The following SAMMSON variants were observed in gnomAD, a reference collection of about 807,000 sequenced individuals.
SAMMSON encodes survival associated mitochondrial melanoma specific oncogenic non-coding RNA.
At chr3:70,183,267 C>T (rs944421586) in intron 4 of SAMMSON, 1 of 152,088 alleles carries the variant, frequency 6.6e-6, no homozygotes, top group Non-Finnish European at 1.5e-5. Context: ...TTATTTGATC[C>T]TTTTCAGTTT....
intron 6 of SAMMSON, among the ~76,000 whole-genome samples, chr3:70,265,010 G>T (rs1182545214): frequency 6.6e-6 from 1 of 152,120 alleles, no homozygotes; most frequent in Non-Finnish European, 1.5e-5. Context: ...ATGTGCAGGG[G>T]AACTCCCCTT....
At chr3:70,192,551 C>A (rs1701138795) in intron 4 of SAMMSON, among the ~76,000 whole-genome samples, 1 of 152,156 alleles carries the variant, frequency 6.6e-6, no homozygotes. Context: ...CCTGGCCTCC[C>A]ACCAAAAAGA....
At chr3:70,114,196 A>G (rs1480780981) in intron 4 of SAMMSON, among the ~76,000 whole-genome samples, 2 of 152,138 alleles carry the variant, frequency 1.3e-5, no homozygotes, top group African/African-American at 4.8e-5. Context: ...ATGAGCCTAA[A>G]TCTCTGGTGT....
Position 70,238,601 on chromosome 3 carries a change from A to G in SAMMSON, n.508-10506A>G, listed in dbSNP as rs150456207. On this transcript the variant is annotated intron_variant and non_coding_transcript_variant, in intron 4 of 9. Coordinates refer to ENST00000642114, the Ensembl canonical transcript of SAMMSON. The stretch of plus-strand genomic sequence containing the variant: ...TACTCCAGCCTGGATGAGAGTGAGC[A>G]CTTGTCTCAAAAAAGAAAAAAAAAA... Among the ~76,000 whole-genome samples the G allele has an allele frequency of 3.7e-3, 569 of 151,876 alleles. 14 individuals are homozygous for G. The highest frequency in any genetic ancestry group is 0.034 in the Admixed American group (514 of 15,238).
chr3:70,286,300 G>T lies in SAMMSON; in HGVS notation n.675-4879G>T, dbSNP rs529103264. 6.5e-3 allele frequency among the ~76,000 whole-genome samples: 982 copies of T among 152,022 alleles called. 40 individuals are homozygous for T. The highest frequency in any genetic ancestry group is 2.2e-3 in the Non-Finnish European group (150 of 67,950). ...ATGGCTAGCCAGTTTTCCCAGCACC[G>T]TTTATTAAATAGGGAATCCTTTCCC... On this transcript the variant is annotated intron_variant and non_coding_transcript_variant, in intron 6 of 9. Transcript: ENST00000642114.
rs146942403 is a variant in SAMMSON, at chr3:70,157,009, T to A, written n.507+85444T>A. On this transcript the variant is annotated intron_variant and non_coding_transcript_variant, in intron 4 of 9. Transcript: ENST00000642114. The stretch of plus-strand genomic sequence containing the variant: ...TATTTTCTTGCCTATTTTTGCTGAG[T>A]CAATATCTACTAGTCTTGGATTCTT... Among the ~76,000 whole-genome samples the A allele has an allele frequency of 1.0e-3, 158 of 152,214 alleles. 1 individual carries two copies. Among genetic ancestry groups the A allele is most frequent in the Middle Eastern group, 6.8e-3 (2 of 294 alleles).
intron 4 of SAMMSON, among the ~76,000 whole-genome samples, chr3:70,160,118 C>G (rs1055490654): frequency 2.6e-5 from 4 of 151,682 alleles, no homozygotes; most frequent in African/African-American, 7.3e-5. Context: ...TTAATGAAGT[C>G]TACTGAAGTA....
chr3:70,384,009 G>A (rs1703099460), intron 9 of SAMMSON, among the ~76,000 whole-genome samples: 1 of 151,868 alleles, frequency 6.6e-6, no homozygotes, highest in Non-Finnish European at 1.5e-5. Context: ...TTGGTGGGGA[G>A]TGAAATGACC....
At chr3:70,432,498 T>C (rs918826703) in intron 2 of SAMMSON, among the ~76,000 whole-genome samples, 1 of 151,936 alleles carries the variant, frequency 6.6e-6, no homozygotes, top group Non-Finnish European at 1.5e-5. Context: ...AACTATATTT[T>C]CATAGCAGTT....
At chr3:70,190,764 A>G (rs148387915) in intron 4 of SAMMSON, among the ~76,000 whole-genome samples, 28 of 152,324 alleles carry the variant, frequency 1.8e-4, no homozygotes, top group Non-Finnish European at 3.4e-4. Context: ...GGGTGTATAC[A>G]TTCTAAGGGA....
intron 4 of SAMMSON, among the ~76,000 whole-genome samples, chr3:70,165,144 C>T (rs1217499866): frequency 6.6e-6 from 1 of 151,932 alleles, no homozygotes; most frequent in African/African-American, 2.4e-5. Context: ...GAACAATCCA[C>T]CACATGTCCA....
chr3:70,273,238 G>C (rs1701991000), intron 6 of SAMMSON, among the ~76,000 whole-genome samples: 1 of 152,214 alleles, frequency 6.6e-6, no homozygotes, highest in Non-Finnish European at 1.5e-5. Context: ...AGATGGAATA[G>C]CAAGTGTGCT....
intron 4 of SAMMSON, among the ~76,000 whole-genome samples, chr3:70,232,504 A>T (rs1374131110): frequency 1.3e-5 from 2 of 151,110 alleles, no homozygotes; most frequent in Non-Finnish European, 2.9e-5. Context: ...GGTTCAAGTG[A>T]TTCTCCTGCC....
intron 4 of SAMMSON, among the ~76,000 whole-genome samples, chr3:70,153,793 C>T (rs1034686981): frequency 6.6e-6 from 1 of 151,938 alleles, no homozygotes; most frequent in Non-Finnish European, 1.5e-5. Flanking sequence ...CACCAACGTT[C>T]CTCTCCAGAG....
intron 3 of SAMMSON, among the ~76,000 whole-genome samples, chr3:70,066,074 C>T (rs1489245327): frequency 6.6e-6 from 1 of 152,036 alleles, no homozygotes; most frequent in Non-Finnish European, 1.5e-5. Flanking sequence ...TTGGTCTGGA[C>T]ATCTGTTGCA....
At chr3:70,290,609 T>C (rs1344322923) in intron 6 of SAMMSON, among the ~76,000 whole-genome samples, 1 of 152,218 alleles carries the variant, frequency 6.6e-6, no homozygotes, top group East Asian at 1.9e-4. Context: ...TTCCGGGCTG[T>C]TTTGATTACC....
At chr3:70,331,217 T>A (rs899796310) in intron 7 of SAMMSON, among the ~76,000 whole-genome samples, 1 of 152,188 alleles carries the variant, frequency 6.6e-6, no homozygotes, top group Non-Finnish European at 1.5e-5. Flanking sequence ...CATTCTTCTA[T>A]ATATTTTTTT....
chr3:70,213,072 G>A (rs1701366472), intron 4 of SAMMSON, among the ~76,000 whole-genome samples: 2 of 152,126 alleles, frequency 1.3e-5, no homozygotes, highest in South Asian at 2.1e-4. Context: ...GCCTCCCAAA[G>A]TGCTAGGATT....
chr3:70,203,253 A>C (rs1434782105), intron 4 of SAMMSON, among the ~76,000 whole-genome samples: 1 of 152,136 alleles, frequency 6.6e-6, no homozygotes, highest in Non-Finnish European at 1.5e-5. Context: ...CAGAGAATTC[A>C]GCATCATAAT....
Sources: gnomAD v4.1 joint callset for allele counts (sites outside exome capture counted in the v4.1 genomes callset) on GRCh38, gnomAD v4.1.1 for gene constraint, MANE v1.5 for transcripts, NCBI Gene and HGNC (gene_info 2026-07-23, HGNC 2026-07-21) for gene names.